SDCCAG8: variants seen among roughly 807,000 people sequenced by gnomAD.
SDCCAG8 encodes the protein serologically defined colon cancer antigen 8.
SDCCAG8 carries 74 observed loss-of-function variants against 101.8 expected under a neutral mutation model. The observed-to-expected ratio is 0.73, with a 90% CI of 0.60 to 0.88. The LOEUF is 0.88. SDCCAG8 is among the 40% of genes least tolerant of loss of function. The probability of loss-of-function intolerance (pLI) is 0.00; values close to 1 mark genes in which losing one functional copy is unlikely to be tolerated. For missense variants in SDCCAG8, 787 were observed against 822.6 expected (o/e 0.96, Z 0.53); for synonymous variants, 281 against 292.9 (o/e 0.96, Z 0.41).
At chr1:243,383,269 C>T (rs1573705588) in intron 13 of SDCCAG8, among the ~76,000 whole-genome samples, 2 of 152,138 alleles carry the variant, frequency 1.3e-5, no homozygotes, top group Admixed American at 1.3e-4. Context: ...CCCCAGACAG[C>T]CTAGGATTGA....
At chr1:243,477,973 T>C (rs1184680015) in intron 16 of SDCCAG8, among the ~76,000 whole-genome samples, 1 of 152,244 alleles carries the variant, frequency 6.6e-6, no homozygotes, top group Non-Finnish European at 1.5e-5. Context: ...CTCCTTTTTA[T>C]TGTACTCCAC....
intron 13 of SDCCAG8, among the ~76,000 whole-genome samples, chr1:243,402,843 T>G (rs778695008): frequency 6.6e-6 from 1 of 152,194 alleles, no homozygotes; most frequent in Non-Finnish European, 1.5e-5. Flanking sequence ...AGGACTCATA[T>G]TGATTAGTCT....
intron 16 of SDCCAG8, among the ~76,000 whole-genome samples, chr1:243,451,563 G>T (rs2083357297): frequency 6.6e-6 from 1 of 152,112 alleles, no homozygotes; most frequent in South Asian, 2.1e-4. Flanking sequence ...GACATATTCA[G>T]AGTAGCCTGC....
At chr1:243,287,805 T>A (rs563415954) in intron 5 of SDCCAG8, among the ~76,000 whole-genome samples, 3 of 152,186 alleles carry the variant, frequency 2.0e-5, no homozygotes, top group Non-Finnish European at 2.9e-5. Flanking sequence ...TCAGTATTTA[T>A]GTAATGCCAA....
At chr1:243,438,548 A>G (rs1042692757) in intron 16 of SDCCAG8, among the ~76,000 whole-genome samples, 1 of 147,972 alleles carries the variant, frequency 6.8e-6, no homozygotes, top group African/African-American at 2.6e-5. Flanking sequence ...GTGTGTGTCT[A>G]TGCACACGTG....
chr1:243,316,314 C>T (rs190576067), intron 8 of SDCCAG8, among the ~76,000 whole-genome samples: 2 of 152,266 alleles, frequency 1.3e-5, no homozygotes, highest in Non-Finnish European at 2.9e-5. Context: ...AAGGAAAGGA[C>T]ATATATTTGT....
chr1:243,395,376 A>G (rs1299305218), intron 13 of SDCCAG8, among the ~76,000 whole-genome samples: 1 of 152,232 alleles, frequency 6.6e-6, no homozygotes, highest in Non-Finnish European at 1.5e-5. Context: ...TCAAGCACAG[A>G]TTACACTAAA....
chr1:243,461,194 G>A (rs964047235), intron 16 of SDCCAG8, among the ~76,000 whole-genome samples: 2 of 152,124 alleles, frequency 1.3e-5, no homozygotes, highest in South Asian at 2.1e-4. Context: ...GCAGTTCAGC[G>A]CTATTTTGGA....
intron 16 of SDCCAG8, among the ~76,000 whole-genome samples, chr1:243,447,699 TAG>T (rs2083038611): frequency 6.6e-6 from 1 of 152,220 alleles, no homozygotes; most frequent in African/African-American, 2.4e-5. Context: ...ATGTACTTTT[TAG>T]AGAGTCAGAA....
chr1:243,264,686 T>C (rs1313227377), intron 1 of SDCCAG8, among the ~76,000 whole-genome samples: 1 of 152,156 alleles, frequency 6.6e-6, no homozygotes, highest in Non-Finnish European at 1.5e-5. Flanking sequence ...TCAGGTACCT[T>C]TTAAGTGCTC....
At chr1:243,351,233 A>G (rs2076066061) in intron 12 of SDCCAG8, among the ~76,000 whole-genome samples, 1 of 152,150 alleles carries the variant, frequency 6.6e-6, no homozygotes. Flanking sequence ...GCTCTCCAGT[A>G]TTCTTCACAC....
chr1:243,285,971 T>C (rs2069573689), intron 4 of SDCCAG8, among the ~76,000 whole-genome samples: 1 of 152,192 alleles, frequency 6.6e-6, no homozygotes, highest in Non-Finnish European at 1.5e-5. Flanking sequence ...CTTTAAAATC[T>C]CTTGGATAAC....
intron 12 of SDCCAG8, among the ~76,000 whole-genome samples, chr1:243,369,703 A>C (rs2077181151): frequency 6.6e-6 from 1 of 152,118 alleles, no homozygotes. Flanking sequence ...GTGCTTCTGA[A>C]GTGGTAGGTT....
At chr1:243,472,281 G>T (rs1661413438) in intron 16 of SDCCAG8, among the ~76,000 whole-genome samples, 1 of 152,200 alleles carries the variant, frequency 6.6e-6, no homozygotes, top group Non-Finnish European at 1.5e-5. Context: ...TTCAGTCAAA[G>T]AACCTGTCCA....
intron 12 of SDCCAG8, among the ~76,000 whole-genome samples, chr1:243,369,704 G>A (rs1216310082): frequency 2.6e-5 from 4 of 152,132 alleles, no homozygotes; most frequent in African/African-American, 9.7e-5. Flanking sequence ...TGCTTCTGAA[G>A]TGGTAGGTTT....
At chr1:243,376,643 A>G (rs2077614276) in intron 12 of SDCCAG8, among the ~76,000 whole-genome samples, 1 of 152,132 alleles carries the variant, frequency 6.6e-6, no homozygotes, top group Admixed American at 6.5e-5. Flanking sequence ...TCTTCTCTCA[A>G]TTCAAAATTC....
intron 13 of SDCCAG8, among the ~76,000 whole-genome samples, chr1:243,398,538 C>T (rs1558411813): frequency 6.6e-6 from 1 of 152,084 alleles, no homozygotes; most frequent in South Asian, 2.1e-4. Context: ...TCTTATTAAT[C>T]TAAAATTTTA....
intron 17 of SDCCAG8, among the ~76,000 whole-genome samples, chr1:243,493,447 T>G (rs536796342): frequency 7.2e-5 from 11 of 152,264 alleles, no homozygotes; most frequent in African/African-American, 2.4e-4. Context: ...TAGAGGATGG[T>G]CTCAACCATC....
chr1:243,258,498 G>A (rs2066936453), intron 1 of SDCCAG8, among the ~76,000 whole-genome samples: 1 of 152,136 alleles, frequency 6.6e-6, no homozygotes, highest in African/African-American at 2.4e-5. Context: ...TCTGCCTCCT[G>A]GATTCAAGCA....
Sources: gnomAD v4.1 joint callset for allele counts (sites outside exome capture counted in the v4.1 genomes callset) on GRCh38, gnomAD v4.1.1 for gene constraint, MANE v1.5 for transcripts, NCBI Gene and HGNC (gene_info 2026-07-23, HGNC 2026-07-21) for gene names.